GRID2: variants seen among roughly 807,000 people sequenced by gnomAD.
GRID2 encodes the protein glutamate receptor ionotropic, delta-2.
In GRID2, 33 loss-of-function variants were observed where a neutral mutation model predicts 114.8. That is an observed-to-expected ratio of 0.29 (90% CI 0.22 to 0.38). The LOEUF is 0.38. Ranked by LOEUF, GRID2 falls within the 10% of genes least tolerant of loss-of-function variation. GRID2 has a pLI of 1.00. For synonymous variants in GRID2, 505 were observed against 449.9 expected (o/e 1.12, Z -1.55); for missense variants, 1,184 against 1,257.7 (o/e 0.94, Z 0.89).
chr4:93,412,577 ATTTTTC>A (rs1560593791), intron 9 of GRID2, among the ~76,000 whole-genome samples: 1 of 151,846 alleles, frequency 6.6e-6, no homozygotes, highest in African/African-American at 2.4e-5. Flanking sequence ...TTTCACTTTT[ATTTTTC>A]TTTTTCTTTT....
intron 11 of GRID2, among the ~76,000 whole-genome samples, chr4:93,462,976 A>G (rs1723894664): frequency 6.6e-6 from 1 of 152,134 alleles, no homozygotes; most frequent in South Asian, 2.1e-4. Context: ...TTTTTTCTAC[A>G]TTGTGTTCTT....
chr4:92,926,181 A>T (rs1749794848), intron 2 of GRID2, among the ~76,000 whole-genome samples: 2 of 152,036 alleles, frequency 1.3e-5, no homozygotes, highest in Non-Finnish European at 2.9e-5. Flanking sequence ...GGTCCAAGTA[A>T]ATAAGAAGCG....
chr4:92,884,460 G>A (rs1425255531), intron 2 of GRID2, among the ~76,000 whole-genome samples: 1 of 152,132 alleles, frequency 6.6e-6, no homozygotes, highest in Non-Finnish European at 1.5e-5. Flanking sequence ...ACACAACTTG[G>A]CTAACTATTC....
At chr4:93,534,944 A>T (rs1731882780) in intron 13 of GRID2, among the ~76,000 whole-genome samples, 1 of 151,562 alleles carries the variant, frequency 6.6e-6, no homozygotes. Flanking sequence ...CATGCTGTAC[A>T]TCACATTTCC....
intron 2 of GRID2, among the ~76,000 whole-genome samples, chr4:92,889,349 A>T (rs562424803): frequency 3.0e-4 from 46 of 152,294 alleles, no homozygotes; most frequent in African/African-American, 1.0e-3. Context: ...AGATGACATG[A>T]TTGTATATTT....
chr4:92,411,625 ATG>A (rs751440294), intron 1 of GRID2, among the ~76,000 whole-genome samples: 2,307 of 105,236 alleles, frequency 0.022, 69 homozygotes, highest in South Asian at 0.04. Context: ...ATATATATGC[ATG>A]TGTGTGTGTG....
At chr4:93,625,918 A>AAAAAC (rs70942980) in intron 13 of GRID2, among the ~76,000 whole-genome samples, 26,801 of 143,004 alleles carry the variant, frequency 0.19, 2,701 homozygotes, top group Middle Eastern at 0.35. Context: ...CCGTCTCAGA[A>AAAAAC]AAAACAAAAC....
chr4:93,105,534 A>G (rs1732138235), intron 3 of GRID2, among the ~76,000 whole-genome samples: 1 of 152,194 alleles, frequency 6.6e-6, no homozygotes. Context: ...ATGGCTAGCC[A>G]GTATTTTTTA....
chr4:93,738,607 C>A (rs1731121014), intron 14 of GRID2, among the ~76,000 whole-genome samples: 1 of 151,986 alleles, frequency 6.6e-6, no homozygotes, highest in Non-Finnish European at 1.5e-5. Context: ...GACTTTGGGG[C>A]TCTAAATTAA....
At chr4:93,463,945 T>C (rs532656586) in intron 11 of GRID2, among the ~76,000 whole-genome samples, 40 of 151,970 alleles carry the variant, frequency 2.6e-4, no homozygotes, top group African/African-American at 6.3e-4. Flanking sequence ...GCCGAGATTG[T>C]GCCACTGCAC....
intron 2 of GRID2, among the ~76,000 whole-genome samples, chr4:92,730,742 T>C (rs913066636): frequency 2.0e-5 from 3 of 151,924 alleles, no homozygotes; most frequent in Non-Finnish European, 2.9e-5. Flanking sequence ...TGTATAATAC[T>C]GAGGTGCCAA....
intron 1 of GRID2, among the ~76,000 whole-genome samples, chr4:92,515,988 C>T (rs1341500555): frequency 6.6e-6 from 1 of 151,882 alleles, no homozygotes. Context: ...CTCAATGTTG[C>T]CTTCCTTAAA....
At chr4:92,311,614 T>C (rs1233609549) in intron 1 of GRID2, among the ~76,000 whole-genome samples, 3 of 152,096 alleles carry the variant, frequency 2.0e-5, no homozygotes, top group Non-Finnish European at 4.4e-5. Context: ...TAAAAAATAA[T>C]CTCATTTTAT....
intron 3 of GRID2, among the ~76,000 whole-genome samples, chr4:93,104,353 A>T (rs1731993161): frequency 6.6e-6 from 1 of 152,116 alleles, no homozygotes; most frequent in Admixed American, 6.6e-5. Context: ...CATGTGCACA[A>T]TGTGCAGGTT....
intron 1 of GRID2, among the ~76,000 whole-genome samples, chr4:92,365,499 G>C (rs1475163023): frequency 6.6e-6 from 1 of 151,874 alleles, no homozygotes; most frequent in Non-Finnish European, 1.5e-5. Flanking sequence ...TGGTGGTGGT[G>C]GTGGTGGTGG....
At chr4:92,807,981 T>A (rs1253083474) in intron 2 of GRID2, among the ~76,000 whole-genome samples, 1 of 152,006 alleles carries the variant, frequency 6.6e-6, no homozygotes, top group Admixed American at 6.6e-5. Flanking sequence ...TTTACGGATA[T>A]AATTAAATTG....
intron 8 of GRID2, among the ~76,000 whole-genome samples, chr4:93,286,311 A>G (rs148847569): frequency 1.3e-5 from 2 of 152,274 alleles, no homozygotes; most frequent in East Asian, 3.9e-4. Flanking sequence ...ATTAACCAGA[A>G]AATTTAGATT....
intron 8 of GRID2, among the ~76,000 whole-genome samples, chr4:93,260,553 C>T (rs1750146025): frequency 6.6e-6 from 1 of 151,686 alleles, no homozygotes; most frequent in South Asian, 2.1e-4. Flanking sequence ...CAAGCATCAA[C>T]TGTTATTTAT....
chr4:93,066,716 A>G (rs995267598), intron 2 of GRID2, among the ~76,000 whole-genome samples: 3 of 151,694 alleles, frequency 2.0e-5, no homozygotes, highest in African/African-American at 7.3e-5. Flanking sequence ...ATTTTTTTTC[A>G]TTCCTTATTA....
Sources: allele counts gnomAD v4.1 joint callset (sites outside exome capture counted in the v4.1 genomes callset), GRCh38; gene constraint gnomAD v4.1.1; transcripts MANE v1.5; gene names NCBI Gene and HGNC (gene_info 2026-07-23, HGNC 2026-07-21).